Variants in RPA1 observed in about 807,000 individuals in gnomAD.
The protein encoded by RPA1 is replication protein A 70 kDa DNA-binding subunit.
In RPA1, 49 loss-of-function variants were observed where a neutral mutation model predicts 83.0. That is an observed-to-expected ratio of 0.59 (90% CI 0.47 to 0.75). RPA1 has a LOEUF of 0.75. Ranked by LOEUF, RPA1 falls within the 30% of genes least tolerant of loss-of-function variation. RPA1 has a pLI of 0.00. For synonymous variants in RPA1, 279 were observed against 281.8 expected (o/e 0.99, Z 0.10); for missense variants, 693 against 776.1 (o/e 0.89, Z 1.27).
chr17:1,886,887 T>C (rs146919829), intron 13 of RPA1, among the ~76,000 whole-genome samples: 1 of 152,040 alleles, frequency 6.6e-6, no homozygotes, highest in Non-Finnish European at 1.5e-5. Context: ...ATCGAACTCC[T>C]TGGCTTAGGC....
At chr17:1,896,496 G>A (rs1414379279) in intron 16 of RPA1, among the ~76,000 whole-genome samples, 1 of 145,712 alleles carries the variant, frequency 6.9e-6, no homozygotes, top group African/African-American at 2.5e-5. Flanking sequence ...TAGGGGATCA[G>A]ATGTCACCGT....
At chr17:1,841,108 A>C (rs1209660059) in intron 1 of RPA1, among the ~76,000 whole-genome samples, 1 of 152,188 alleles carries the variant, frequency 6.6e-6, no homozygotes, top group Non-Finnish European at 1.5e-5. Context: ...ATGGTGTTTA[A>C]GTGGCATTTT....
chr17:1,896,705 T>A (rs1311319757), intron 16 of RPA1, among the ~76,000 whole-genome samples: 1 of 152,236 alleles, frequency 6.6e-6, no homozygotes, highest in African/African-American at 2.4e-5. Flanking sequence ...TTTGAAAGTT[T>A]AGCTTTCAGA....
intron 5 of RPA1, chr17:1,858,338 G>A (rs766319664): frequency 6.2e-7 from 1 of 1,608,010 alleles, no homozygotes; most frequent in Non-Finnish European, 8.5e-7. Context: ...GTGCCACGGT[G>A]GCAGATGGAC....
intron 4 of RPA1, among the ~76,000 whole-genome samples, chr17:1,850,756 G>T (rs1003834728): frequency 6.6e-6 from 1 of 151,604 alleles, no homozygotes; most frequent in African/African-American, 2.4e-5. Flanking sequence ...ATTAGGTGTG[G>T]TGGCGGGTGC....
chr17:1,886,507 G>A (rs1057024561), intron 13 of RPA1, among the ~76,000 whole-genome samples: 1 of 152,182 alleles, frequency 6.6e-6, no homozygotes, highest in Non-Finnish European at 1.5e-5. Context: ...TCTTCCAGAA[G>A]GCTATTCTGT....
chr17:1,845,829 G>A (rs559732665), intron 4 of RPA1, among the ~76,000 whole-genome samples: 12 of 152,150 alleles, frequency 7.9e-5, no homozygotes, highest in Non-Finnish European at 1.8e-4. Flanking sequence ...CTACTCGGAA[G>A]GCTGAGGAGA....
chr17:1,888,395 ATTAAC>A (rs1914072448), intron 13 of RPA1, among the ~76,000 whole-genome samples: 1 of 152,208 alleles, frequency 6.6e-6, no homozygotes, highest in Non-Finnish European at 1.5e-5. Context: ...TTCACTTTTA[ATTAAC>A]TTAGTGTAAT....
At chr17:1,895,188 GT>G (rs1311804751) in intron 16 of RPA1, 93 bp downstream of exon 16, 1 of 970,000 alleles carries the variant, frequency 1.0e-6, no homozygotes, top group Non-Finnish European at 1.6e-6. Flanking sequence ...GGGAGTTACT[GT>G]ACTCACTGCC....
intron 4 of RPA1, among the ~76,000 whole-genome samples, chr17:1,849,332 T>A (rs11078670): frequency 3.4e-5 from 5 of 145,206 alleles, no homozygotes; most frequent in African/African-American, 7.6e-5. Flanking sequence ...TCGCTCTGTC[T>A]CTCAGGCTGG....
chr17:1,879,581 G>C lies in RPA1; in HGVS notation c.974G>C (p.Ser325Thr), dbSNP rs1438643035. 2 of 1,614,122 alleles carry C rather than the reference G, an allele frequency of 1.2e-6. No homozygotes were observed. Among genetic ancestry groups the C allele is most frequent in the Admixed American group, 1.7e-5 (1 of 60,000 alleles). The change falls in exon 11 of 17, where the codon AGC becomes ACC. Residue 325 changes from serine (S) to threonine (T), a missense_variant. Coordinates refer to ENST00000254719, the MANE Select transcript of RPA1 (RefSeq NM_002945.5). ...SLVDIIGICK[S>T]YEDATKITVR... is the part of the protein sequence containing the mutation. ...TTAGACATCATCGGGATCTGCAAGA[G>C]CTATGAAGACGCCACTAAAATCACA...
intron 1 of RPA1, among the ~76,000 whole-genome samples, chr17:1,835,150 C>T (rs1054800834): frequency 1.3e-5 from 2 of 151,778 alleles, no homozygotes; most frequent in African/African-American, 4.8e-5. Flanking sequence ...TGCACCTGGC[C>T]GTAATTTTTT....
chr17:1,891,379 C>G (rs191885360), intron 14 of RPA1, among the ~76,000 whole-genome samples: 1 of 152,314 alleles, frequency 6.6e-6, no homozygotes, highest in Non-Finnish European at 1.5e-5. Flanking sequence ...ATGCAGAGAA[C>G]TCCCCCGATT....
At chr17:1,835,331 A>G (rs768496175) in intron 1 of RPA1, among the ~76,000 whole-genome samples, 4 of 149,250 alleles carry the variant, frequency 2.7e-5, no homozygotes, top group Non-Finnish European at 3.0e-5. Context: ...TTTTTTTTTA[A>G]TTTTGTGTAG....
intron 15 of RPA1, among the ~76,000 whole-genome samples, chr17:1,893,427 A>T (rs1292200949): frequency 6.7e-6 from 1 of 150,318 alleles, no homozygotes; most frequent in Non-Finnish European, 1.5e-5. Context: ...TTTTATTTTC[A>T]TATCTGAAAG....
chr17:1,867,865 G>A (rs1429464859), intron 5 of RPA1, among the ~76,000 whole-genome samples: 1 of 152,016 alleles, frequency 6.6e-6, no homozygotes, highest in Non-Finnish European at 1.5e-5. Context: ...GATCAGTTGC[G>A]CCCAGGAGTT....
intron 16 of RPA1, among the ~76,000 whole-genome samples, chr17:1,896,156 AGTCACT>A (rs1283007468): frequency 6.6e-6 from 1 of 152,242 alleles, no homozygotes; most frequent in Non-Finnish European, 1.5e-5. Context: ...TCAGAGAACA[AGTCACT>A]TGCCTAAGTT....
At chr17:1,887,179 T>C (rs1675018904) in intron 13 of RPA1, among the ~76,000 whole-genome samples, 1 of 152,200 alleles carries the variant, frequency 6.6e-6, no homozygotes, top group Admixed American at 6.5e-5. Flanking sequence ...TCAGTCAGCA[T>C]ACATACAACA....
intron 15 of RPA1, among the ~76,000 whole-genome samples, chr17:1,893,628 A>G (rs576454829): frequency 6.6e-6 from 1 of 151,816 alleles, no homozygotes; most frequent in Non-Finnish European, 1.5e-5. Context: ...ACATTTATTT[A>G]TGCATCTTTA....
Sources: gnomAD v4.1 joint callset for allele counts (sites outside exome capture counted in the v4.1 genomes callset) on GRCh38, gnomAD v4.1.1 for gene constraint, MANE v1.5 for transcripts, NCBI Gene and HGNC (gene_info 2026-07-23, HGNC 2026-07-21) for gene names.